Variants in RASA3 observed in about 807,000 individuals in gnomAD.
The protein encoded by RASA3 is ras GTPase-activating protein 3.
A neutral mutation model predicts 110.0 loss-of-function variants in RASA3; 73 were observed. The observed-to-expected ratio is 0.66, with a 90% CI of 0.55 to 0.81. RASA3 has a LOEUF of 0.81. RASA3 is among the 30% of genes least tolerant of loss of function. The pLI is 0.00. For synonymous variants in RASA3, 500 were observed against 451.4 expected (o/e 1.11, Z -1.37); for missense variants, 976 against 1,113.2 (o/e 0.88, Z 1.75).
chr13:114,059,587 C>G (rs979122467), intron 2 of RASA3, among the ~76,000 whole-genome samples: 1 of 152,246 alleles, frequency 6.6e-6, no homozygotes, highest in Non-Finnish European at 1.5e-5. Flanking sequence ...ACAGTGCAGC[C>G]TGCGGGCACA....
At chr13:114,052,396 C>T (rs1161702937) in intron 2 of RASA3, among the ~76,000 whole-genome samples, 9 of 152,192 alleles carry the variant, frequency 5.9e-5, no homozygotes, top group Admixed American at 1.3e-4. Context: ...CCTGGCGGCC[C>T]GGAAGCTGAG....
rs1293726557 is a variant in RASA3 at position 114,112,310 on chromosome 13, C to T, written c.55+20125G>A. ...GCAATCCCCGGAGTCTTCTAGGGGGCCTGGGGCAGCCGGAACCTGGCCGGG... is the reference window on the plus strand; with the variant it reads ...GCAATCCCCGGAGTCTTCTAGGGGGTCTGGGGCAGCCGGAACCTGGCCGGG... On this transcript the variant is annotated intron_variant, in intron 1 of 23. Transcript: ENST00000334062. The surrounding 1 kb of genome is among the most constrained non-coding windows in gnomAD (Gnocchi z 4.8). 2.0e-5 allele frequency among the ~76,000 whole-genome samples: 3 copies of T among 152,196 alleles called. No homozygotes were observed. Among genetic ancestry groups the T allele is most frequent in the Non-Finnish European group, 4.4e-5 (3 of 68,032 alleles).
Position 114,065,272 on chromosome 13 carries a change from C to T in RASA3, c.173+8448G>A, listed in dbSNP as rs901910093. Among the ~76,000 whole-genome samples the T allele has an allele frequency of 3.3e-5, 5 of 152,220 alleles. No homozygotes were observed. Among genetic ancestry groups the T allele is most frequent in the Non-Finnish European group, 1.5e-5 (1 of 68,040 alleles). On this transcript the variant is annotated intron_variant, in intron 2 of 23. Transcript: ENST00000334062. The surrounding 1 kb of genome is among the most constrained non-coding windows in gnomAD (Gnocchi z 4.1). The stretch of plus-strand genomic sequence containing the variant: ...ATCCCGCCTGCGGCTGCTCCCATCA[C>T]GTGATCATAAGAAAATAAACCTGGT...
intron 10 of RASA3, 100 bp downstream of exon 10, chr13:114,018,647 TGGGAAAGGCCCCCTCA>T: frequency 7.5e-7 from 1 of 1,329,542 alleles, no homozygotes; most frequent in Non-Finnish European, 1.0e-6. Context: ...CTGGGAGGCG[TGGGAAAGGCCCCCTCA>T]GGGAGAAGGT....
intron 2 of RASA3, among the ~76,000 whole-genome samples, chr13:114,062,732 G>A (rs1361983372): frequency 1.3e-5 from 2 of 152,186 alleles, no homozygotes; most frequent in Non-Finnish European, 2.9e-5. Flanking sequence ...ACTCAGACAT[G>A]CGTGCTCACA....
At chr13:114,121,074 G>T (rs2080369084) in intron 1 of RASA3, among the ~76,000 whole-genome samples, 1 of 152,234 alleles carries the variant, frequency 6.6e-6, no homozygotes, top group South Asian at 2.1e-4. Context: ...TTAGGAAAAA[G>T]AACAAGTTGT....
Position 113,995,610 on chromosome 13 carries a change from C to T in RASA3, c.2141+921G>A, listed in dbSNP as rs571808878. ...TGCCAGAGGCCCGGCTGATGGGGGG[C>T]CCTGCTGATGGGGGGCCTGACAGGG... On this transcript the variant is annotated intron_variant, in intron 21 of 23. Transcript: ENST00000334062. 3.5e-3 allele frequency among the ~76,000 whole-genome samples: 516 copies of T among 149,104 alleles called. 5 individuals carry two copies. The highest frequency in any genetic ancestry group is 5.3e-3 in the East Asian group (27 of 5,056).
intron 14 of RASA3, among the ~76,000 whole-genome samples, chr13:114,013,694 G>GTC (rs66726231): frequency 2.5e-5 from 2 of 78,674 alleles, no homozygotes; most frequent in Non-Finnish European, 4.9e-5. Context: ...CCCTATCTCT[G>GTC]TCTCTCTCTC....
rs28377825 is a variant in RASA3 at position 114,030,448 on chromosome 13, G to A, written c.373-561C>T. ...CACAGAGGGCAAGGCTCACACAGAG[G>A]GCAAGGCTCACACAGAGGGCAAGGC... is the stretch of plus-strand genomic sequence containing the variant. On this transcript the variant is annotated intron_variant, in intron 4 of 23. Transcript: ENST00000334062. Among the ~76,000 whole-genome samples, 101 of 103,102 alleles carry A rather than the reference G, an allele frequency of 9.8e-4. 3 individuals carry two copies. The highest frequency in any genetic ancestry group is 2.4e-3 in the East Asian group (7 of 2,912). 67.6% of individuals were successfully genotyped at this position (103,102 alleles called of 152,430 possible).
rs781521643 is a variant in RASA3, at chr13:114,052,039, A to T, written c.277+13T>A. On this transcript the variant is annotated intron_variant, in intron 3 of 23. Coordinates refer to ENST00000334062, the MANE Select transcript of RASA3 (RefSeq NM_007368.4). ...GGCAGAAAAGGGGAAGTAAATGCTC[A>T]TTCATCACCTACCTATGATGGAATC... 6.4e-7 allele frequency: 1 copy of T among 1,565,276 alleles called. No homozygotes were observed. The highest frequency in any genetic ancestry group is 2.2e-5 in the East Asian group (1 of 44,634).
intron 7 of RASA3, among the ~76,000 whole-genome samples, chr13:114,024,958 G>A (rs1363939158): frequency 1.3e-5 from 2 of 152,212 alleles, no homozygotes; most frequent in Admixed American, 1.3e-4. Flanking sequence ...GAGGCTCCGG[G>A]ACCGCCCCCC....
intron 2 of RASA3, among the ~76,000 whole-genome samples, chr13:114,067,335 C>A (rs1299895255): frequency 6.6e-6 from 1 of 152,236 alleles, no homozygotes; most frequent in African/African-American, 2.4e-5. Context: ...CTGGGATATT[C>A]TGGGCTTCAA....
intron 1 of RASA3, among the ~76,000 whole-genome samples, chr13:114,104,649 C>T (rs907666407): frequency 2.6e-5 from 4 of 152,176 alleles, no homozygotes; most frequent in East Asian, 1.9e-4. Context: ...CTGAACCGCA[C>T]AAGATTTGGC....
At chr13:114,036,262 G>A (rs1281208603) in intron 4 of RASA3, 1 of 152,256 alleles carries the variant, frequency 6.6e-6, no homozygotes, top group Non-Finnish European at 1.5e-5. Flanking sequence ...GCATAATAAA[G>A]TGATTTAACA....
chr13:113,988,835 G>A (rs1256075545), intron 22 of RASA3, among the ~76,000 whole-genome samples: 59 of 99,568 alleles, frequency 5.9e-4, no homozygotes, highest in African/African-American at 2.0e-3. Flanking sequence ...CCCATCACTC[G>A]TCCATTGCTC....
intron 4 of RASA3, among the ~76,000 whole-genome samples, chr13:114,037,851 G>A (rs1179027175): frequency 2.6e-5 from 4 of 152,098 alleles, no homozygotes; most frequent in South Asian, 4.1e-4. Flanking sequence ...TGGGGAAGCC[G>A]GGAGAAGGGA....
intron 18 of RASA3, among the ~76,000 whole-genome samples, chr13:114,005,195 T>C (rs2053487771): frequency 6.6e-6 from 1 of 152,122 alleles, no homozygotes; most frequent in Non-Finnish European, 1.5e-5. Context: ...AGGTGACGGT[T>C]TCACGAGAAG....
chr13:113,997,912 G>A (rs929819221), intron 20 of RASA3, among the ~76,000 whole-genome samples: 8 of 152,262 alleles, frequency 5.3e-5, no homozygotes, highest in Non-Finnish European at 7.4e-5. Context: ...TATAGGTCTC[G>A]GACTGGACGC....
chr13:114,026,601 CCT>C (rs1231477881), intron 7 of RASA3, among the ~76,000 whole-genome samples: 5 of 152,318 alleles, frequency 3.3e-5, no homozygotes, highest in East Asian at 3.9e-4. Flanking sequence ...CCTACGGTCC[CCT>C]GAGAGCTGCA....
Sources: allele counts gnomAD v4.1 joint callset (sites outside exome capture counted in the v4.1 genomes callset), GRCh38; gene constraint gnomAD v4.1.1; non-coding constraint Gnocchi (gnomAD v3.1); transcripts MANE v1.5; gene names NCBI Gene and HGNC (gene_info 2026-07-23, HGNC 2026-07-21).